SLC9A4: variants seen among roughly 807,000 people sequenced by gnomAD.
SLC9A4 encodes sodium/hydrogen exchanger 4.
SLC9A4 carries 63 observed loss-of-function variants against 67.4 expected under a neutral mutation model. That is an observed-to-expected ratio of 0.93 (90% CI 0.76 to 1.15). The LOEUF is 1.15. Among genes scored for constraint, SLC9A4 ranks in the 50% most tolerant of loss-of-function variants. The probability of loss-of-function intolerance (pLI) is 0.00; values close to 1 mark genes in which losing one functional copy is unlikely to be tolerated. For missense variants in SLC9A4, 1,089 were observed against 987.7 expected, an observed-to-expected ratio of 1.10 and a Z score of -1.38; for synonymous variants, 393 against 367.2, an observed-to-expected ratio of 1.07 and a Z score of -0.80.
chr2:102,488,747 C>T (rs1481792498), intron 2 of SLC9A4, among the ~76,000 whole-genome samples: 1 of 152,120 alleles, frequency 6.6e-6, no homozygotes, highest in East Asian at 1.9e-4. Flanking sequence ...CAGGGTTTCA[C>T]CGTGCTAGCC....
At chr2:102,480,937 G>A (rs1684448943) in intron 2 of SLC9A4, among the ~76,000 whole-genome samples, 1 of 152,190 alleles carries the variant, frequency 6.6e-6, no homozygotes, top group Non-Finnish European at 1.5e-5. Flanking sequence ...TGGGAGGCAG[G>A]CTTTGTGGTA....
chr2:102,482,147 C>G (rs148641110), intron 2 of SLC9A4, among the ~76,000 whole-genome samples: 1 of 152,308 alleles, frequency 6.6e-6, no homozygotes, highest in East Asian at 1.9e-4. Context: ...CCCGGGGAGT[C>G]TGGACTCCAG....
rs549137706 is a variant in SLC9A4 at position 102,532,384 on chromosome 2, G to A, written c.2093G>A (p.Arg698Gln). The A allele has an allele frequency of 7.4e-5, 120 of 1,614,166 alleles. No homozygotes were observed. The highest frequency in any genetic ancestry group is 4.7e-4 in the Admixed American group (28 of 60,022). Residue 698 changes from arginine to glutamine, a missense_variant, in exon 12 of 12, where the codon CGG (arginine) becomes CAG (glutamine). By Grantham distance (43) the Arg-to-Gln change is conservative. Coordinates refer to ENST00000295269, the MANE Select transcript of SLC9A4 (RefSeq NM_001011552.4). The part of the protein sequence containing the change: ...SPSITFSACS[R>Q]IGSLQKQEAQ... ...TCCATCACGTTCAGCGCATGCTCTC[G>A]GATAGGGTCACTTCAGAAGCAAGAG... is the stretch of plus-strand genomic sequence containing the variant.
intron 1 of SLC9A4, among the ~76,000 whole-genome samples, chr2:102,475,577 G>A (rs1387031901): frequency 1.3e-5 from 2 of 152,152 alleles, no homozygotes; most frequent in Non-Finnish European, 2.9e-5. Context: ...GTGAAAATAC[G>A]ATTATTCATA....
At chr2:102,511,620 A>G (rs947473817) in intron 6 of SLC9A4, among the ~76,000 whole-genome samples, 4 of 152,064 alleles carry the variant, frequency 2.6e-5, no homozygotes, top group African/African-American at 7.2e-5. Context: ...CTAAATTTCC[A>G]TAAACAATTT....
At chr2:102,505,187 TG>T in intron 3 of SLC9A4, 66 bp from the exon 4 acceptor site, 1 of 1,463,218 alleles carries the variant, frequency 6.8e-7, no homozygotes. Flanking sequence ...GCATTGCCTG[TG>T]GGGAGGGCGT....
intron 4 of SLC9A4, among the ~76,000 whole-genome samples, chr2:102,507,286 C>G (rs566900519): frequency 6.6e-6 from 1 of 152,194 alleles, no homozygotes; most frequent in Non-Finnish European, 1.5e-5. Flanking sequence ...GTCTGTGTGA[C>G]GAGACGCACA....
intron 4 of SLC9A4, among the ~76,000 whole-genome samples, chr2:102,506,156 T>C (rs978264254): frequency 3.9e-5 from 6 of 152,238 alleles, no homozygotes; most frequent in African/African-American, 1.2e-4. Context: ...GTAACTAATC[T>C]TTTAAAATGA....
In SLC9A4 at chr2:102,512,292, T is replaced by A; in HGVS notation, c.1559+19T>A. 6.2e-7 allele frequency: 1 copy of A among 1,612,078 alleles called. No homozygotes were observed. On this transcript the variant is annotated intron_variant, in intron 7 of 11. Transcript: ENST00000295269. ...GAGACAAGTAAGGAGGCTGAGGGTTTCACTCCCTGACAAACTTCTAAAGGT... is the reference window on the plus strand; with the variant it reads ...GAGACAAGTAAGGAGGCTGAGGGTTACACTCCCTGACAAACTTCTAAAGGT...
intron 2 of SLC9A4, among the ~76,000 whole-genome samples, chr2:102,481,989 G>A (rs529899193): frequency 1.3e-5 from 2 of 152,034 alleles, no homozygotes; most frequent in South Asian, 2.1e-4. Flanking sequence ...TTTCCTAAGC[G>A]AAGGAGGCCC....
At position 102,484,791 on chromosome 2, in the gene SLC9A4, C is replaced by G. The variant is rs541712715; in HGVS notation, c.720+5489C>G. Among the ~76,000 whole-genome samples the G allele has an allele frequency of 6.6e-5, 10 of 152,284 alleles. No individual in the cohort carries two copies. In the East Asian group the frequency reaches 1.9e-3, roughly 29 times the overall value. ...TCATCAGAGAGGTCAAAGGCCCAGA[C>G]AGGCCAGGGTTGAAGCTGGAACCCA... On this transcript the variant is annotated intron_variant, in intron 2 of 11. Transcript: ENST00000295269.
chr2:102,528,957 G>A (rs116178728), intron 11 of SLC9A4, among the ~76,000 whole-genome samples: 39 of 152,256 alleles, frequency 2.6e-4, no homozygotes, highest in African/African-American at 9.1e-4. Flanking sequence ...GGATGATATT[G>A]GTTCCCTCCA....
At position 102,532,922 on chromosome 2, in the gene SLC9A4, AG is replaced by A. The variant is rs1428120816; in HGVS notation, c.*235del. ...AGATGAATTCCCTGTGAGTGAGAGA[AG>A]TTGATCACCCCAGGAATTAGTCACT... On this transcript the variant is annotated 3_prime_UTR_variant, in exon 12 of 12. Coordinates refer to ENST00000295269, the MANE Select transcript of SLC9A4 (RefSeq NM_001011552.4). The A allele has an allele frequency of 4.5e-6, 2 of 440,456 alleles. No homozygotes were observed. Among genetic ancestry groups the A allele is most frequent in the East Asian group, 7.3e-5 (2 of 27,342 alleles). The allele number at this position is 440,456 out of a possible 1,614,324, so 27.3% of individuals were successfully genotyped here.
At chr2:102,500,824 G>A (rs6741235) in intron 2 of SLC9A4, among the ~76,000 whole-genome samples, 107,455 of 151,762 alleles carry the variant, frequency 0.71, 38,755 homozygotes, top group Middle Eastern at 0.77. Context: ...TTAGAAGGGA[G>A]AGCAAGGAGA....
At chr2:102,485,388 T>A (rs564873660) in intron 2 of SLC9A4, among the ~76,000 whole-genome samples, 1 of 152,328 alleles carries the variant, frequency 6.6e-6, no homozygotes, top group Non-Finnish European at 1.5e-5. Context: ...ACCATTGACC[T>A]TTCATGCAGT....
At chr2:102,503,747 A>G (rs769735150) in intron 3 of SLC9A4, 40 bp downstream of exon 3, 4 of 1,601,262 alleles carry the variant, frequency 2.5e-6, no homozygotes, top group Middle Eastern at 3.3e-4. Context: ...AGTAATAGAA[A>G]GAAAGTTTAG....
Position 102,483,841 on chromosome 2 carries a change from T to TACACACAC in SLC9A4, c.720+4543_720+4550dup, listed in dbSNP as rs34552153. ...ATATATATATATATATATATATATA[T>TACACACAC]ACACACACACAATATACACACACAT... is the stretch of plus-strand genomic sequence containing the variant. On this transcript the variant is annotated intron_variant, in intron 2 of 11. Coordinates refer to ENST00000295269, the MANE Select transcript of SLC9A4 (RefSeq NM_001011552.4). Among the ~76,000 whole-genome samples the TACACACAC allele has an allele frequency of 2.2e-3, 281 of 126,690 alleles. 2 individuals are homozygous for TACACACAC. Among genetic ancestry groups the TACACACAC allele is most frequent in the East Asian group, 6.0e-3 (25 of 4,160 alleles). 83.1% of individuals were successfully genotyped at this position (126,690 alleles called of 152,430 possible).
chr2:102,532,475 A>C lies in SLC9A4; in HGVS notation c.2184A>C (p.Gln728His), dbSNP rs773698779. 6.2e-7 allele frequency: 1 copy of C among 1,614,206 alleles called. No homozygotes were observed. Among genetic ancestry groups the C allele is most frequent in the South Asian group, 1.1e-5 (1 of 91,088 alleles). The change falls in exon 12 of 12, where the codon CAA (glutamine) becomes CAC (histidine). Residue 728 changes from glutamine (Q) to histidine (H), a missense_variant. Transcript: ENST00000295269. ...RGRKAFSFGY[Q>H]RNTSQEEYLG... ...GGAAGGCATTCAGCTTTGGTTATCAAAGAAACACAAGCCAAGAAGAGTACT... is the reference window on the plus strand; with the variant it reads ...GGAAGGCATTCAGCTTTGGTTATCACAGAAACACAAGCCAAGAAGAGTACT...
intron 2 of SLC9A4, among the ~76,000 whole-genome samples, chr2:102,484,481 G>GA (rs1331860537): frequency 2.0e-5 from 3 of 152,158 alleles, no homozygotes; most frequent in African/African-American, 7.2e-5. Flanking sequence ...AGGCTCACTG[G>GA]AAAATTTATA....
Sources: allele counts gnomAD v4.1 joint callset (sites outside exome capture counted in the v4.1 genomes callset), GRCh38; gene constraint gnomAD v4.1.1; transcripts MANE v1.5; gene names NCBI Gene and HGNC (gene_info 2026-07-23, HGNC 2026-07-21).